Variants in KIFC2 observed in about 807,000 individuals in gnomAD.
KIFC2 encodes kinesin-like protein KIFC2.
Under a neutral mutation model 91.5 loss-of-function variants are expected in KIFC2, and 94 were observed. The ratio of observed to expected loss-of-function variants is 1.03; its 90% CI spans 0.87 to 1.22. The LOEUF is 1.22. KIFC2 is among the 50% of genes most tolerant of loss of function. The pLI, the probability that KIFC2 is intolerant of heterozygous loss-of-function variation, is 0.00. For synonymous variants in KIFC2, 729 were observed against 503.9 expected, an observed-to-expected ratio of 1.45 and a Z score of -5.98; for missense variants, 1,357 against 1,103.3, an observed-to-expected ratio of 1.23 and a Z score of -3.26.
rs1291727074 is a variant in KIFC2, at chr8:144,473,992, A to G, written c.*603A>G. On this transcript the variant is annotated 3_prime_UTR_variant, in exon 18 of 18. Transcript: ENST00000645548. ...GACTAGGAAGGGCTATTCCAGGCTCAGCCCTGCTCCTGCAGCTTTGCCGCT... is the reference window on the plus strand; with the variant it reads ...GACTAGGAAGGGCTATTCCAGGCTCGGCCCTGCTCCTGCAGCTTTGCCGCT... The G allele has an allele frequency of 7.2e-6, 4 of 558,202 alleles. No homozygotes were observed. The allele number at this position is 558,202 out of a possible 1,614,324, so 34.6% of individuals were successfully genotyped here. A position where few individuals can be genotyped will look rare whatever the true frequency, so the allele number is the denominator to read the frequency against.
intron 10 of KIFC2, 95 bp downstream of exon 10, chr8:144,468,929 A>T (rs1279589380): frequency 2.0e-6 from 2 of 1,019,706 alleles, no homozygotes; most frequent in Non-Finnish European, 3.0e-6. Flanking sequence ...TGTACTAATA[A>T]GTGGGGCTCT....
intron 8 of KIFC2, 49 bp from the exon 9 acceptor site, chr8:144,468,487 T>C (rs750264791): frequency 7.0e-7 from 1 of 1,430,202 alleles, no homozygotes; most frequent in South Asian, 1.2e-5. Flanking sequence ...AGGCAGGGCC[T>C]GGTAAGTGCC....
chr8:144,468,748 C>T lies in KIFC2; in HGVS notation c.1027C>T (p.Leu343=), dbSNP rs1444458431. ...AGGACTTCGGGCACGGATGGCCAGC[C>T]TGCGTCAGGGCTGCGGGGACCTCCG... ...LAGLRARMAS[L]RQGCGDLRGL... Residue 343 remains leucine (L), a synonymous_variant, in exon 10 of 18, where the codon CTG becomes TTG. Transcript: ENST00000645548. 5 of 1,614,070 alleles carry T rather than the reference C, an allele frequency of 3.1e-6. No individual in the cohort carries two copies. Among genetic ancestry groups the T allele is most frequent in the East Asian group, 2.2e-5 (1 of 44,884 alleles).
Position 144,471,513 on chromosome 8 carries a change from G to A in KIFC2, c.1381-429G>A, listed in dbSNP as rs140657246. Among the ~76,000 whole-genome samples, 11 of 152,130 alleles carry A rather than the reference G, an allele frequency of 7.2e-5. No homozygotes were observed. The East Asian group carries it at 1.2e-3, about 16-fold the overall frequency. ...GTTTTTGTACAGACGGGATTTCACC[G>A]TATTGCCTAGGCTGGTCTCAAACTC... On this transcript the variant is annotated intron_variant, in intron 12 of 17. Transcript: ENST00000645548.
chr8:144,466,562 C>G, intron 1 of KIFC2, 44 bp downstream of exon 1: 1 of 1,036,788 alleles, frequency 9.6e-7, no homozygotes. Flanking sequence ...CCGCCGCCTG[C>G]CCCACCCCCA....
chr8:144,468,295 C>G, intron 7 of KIFC2, 34 bp from the exon 8 acceptor site: 1 of 1,569,694 alleles, frequency 6.4e-7, no homozygotes, highest in Non-Finnish European at 8.7e-7. Context: ...GACCGTCCCT[C>G]TCTGAGTCCC....
In KIFC2 at chr8:144,469,485, T is replaced by C; in HGVS notation, c.1223-5T>C. The C allele has an allele frequency of 1.2e-6, 2 of 1,614,006 alleles. No individual in the cohort carries two copies. Among genetic ancestry groups the C allele is most frequent in the Non-Finnish European group, 1.7e-6 (2 of 1,180,016 alleles). ...GGCATTATGCTGACCTGATCCCCAC[T>C]GCAGGAAATATCCGTGTGCTGTGTC... On this transcript the variant is annotated splice_region_variant and splice_polypyrimidine_tract_variant and intron_variant, in intron 11 of 17. Transcript: ENST00000645548.
At chr8:144,467,836 T>C in intron 6 of KIFC2, 23 bp from the exon 7 acceptor site, 1 of 1,613,226 alleles carries the variant, frequency 6.2e-7, no homozygotes, top group Non-Finnish European at 8.5e-7. Context: ...TTCAGGTGAG[T>C]GCCGAGGTTT....
Position 144,472,187 on chromosome 8 carries a change from T to C in KIFC2, c.1535T>C (p.Phe512Ser). Residue 512 changes from phenylalanine to serine, a missense_variant, in exon 14 of 18, where the codon TTC (phenylalanine) becomes TCC (serine). Coordinates refer to ENST00000645548, the MANE Select transcript of KIFC2 (RefSeq NM_001369769.2). ...GTTCCTAGGGCGCTGCAGTCGCTGT[T>C]CCGGGAGATGGGGGCCGGCCGGCAG... ...GIVPRALQSL[F>S]REMGAGRQHR... The C allele has an allele frequency of 6.2e-7, 1 of 1,613,218 alleles. No homozygotes were observed. The highest frequency in any genetic ancestry group is 1.1e-5 in the South Asian group (1 of 91,086).
intron 4 of KIFC2, 70 bp downstream of exon 4, chr8:144,467,411 G>A: frequency 6.5e-7 from 1 of 1,544,042 alleles, no homozygotes; most frequent in Non-Finnish European, 8.7e-7. Flanking sequence ...TGGGCGGCCT[G>A]GAGTTCGGGG....
At position 144,467,191 on chromosome 8, in the gene KIFC2, T is replaced by C. The variant is rs770042258; in HGVS notation, c.331-12T>C. ...TTTCACAGCCCTGCTCGGATTCTTGTCTCCTTCGCAGTCTGGCGAGGTCCC... is the reference window on the plus strand; with the variant it reads ...TTTCACAGCCCTGCTCGGATTCTTGCCTCCTTCGCAGTCTGGCGAGGTCCC... On this transcript the variant is annotated splice_polypyrimidine_tract_variant and intron_variant, in intron 3 of 17. Transcript: ENST00000645548. 4 of 1,613,472 alleles carry C rather than the reference T, an allele frequency of 2.5e-6. No homozygotes were observed. The South Asian group carries it at 4.4e-5, about 18-fold the overall frequency.
intron 12 of KIFC2, among the ~76,000 whole-genome samples, chr8:144,470,091 G>A (rs1278672874): frequency 6.6e-6 from 1 of 152,144 alleles, no homozygotes; most frequent in Non-Finnish European, 1.5e-5. Flanking sequence ...TTTCACACAC[G>A]TTTTCATCTG....
At chr8:144,466,715 G>A in intron 1 of KIFC2, 45 bp from the exon 2 acceptor site, 1 of 1,442,688 alleles carries the variant, frequency 6.9e-7, no homozygotes, top group South Asian at 1.3e-5. Flanking sequence ...GGGGCCAGCA[G>A]GCTGCCTGCC....
Position 144,472,018 on chromosome 8 carries a change from C to T in KIFC2, c.1457C>T (p.Thr486Ile). The change falls in exon 13 of 18, where the codon ACA becomes ATA. Residue 486 changes from threonine to isoleucine, a missense_variant. By Grantham distance (89) the Thr-to-Ile change is moderately conservative. Coordinates refer to ENST00000645548, the MANE Select transcript of KIFC2 (RefSeq NM_001369769.2). ...GTCTGCATCTTCACCTATGGCCAGA[C>T]AGGCACCGGGAAGACCTACAGCATG... is the stretch of plus-strand genomic sequence containing the variant. ...YSVCIFTYGQ[T>I]GTGKTYSMEG... The T allele has an allele frequency of 6.2e-7, 1 of 1,613,566 alleles. No homozygotes were observed. The highest frequency in any genetic ancestry group is 8.5e-7 in the Non-Finnish European group (1 of 1,180,034).
chr8:144,473,164 A>T lies in KIFC2; in HGVS notation c.2151A>T (p.Thr717=). The T allele has an allele frequency of 1.3e-6, 2 of 1,573,038 alleles. No individual in the cohort carries two copies. Among genetic ancestry groups the T allele is most frequent in the Non-Finnish European group, 1.7e-6 (2 of 1,160,032 alleles). ...ISTRPEDLGE[T]VCSLKFADRV... is the part of the protein sequence containing the mutation. ...CGCGGCCGGAGGATCTCGGGGAGACAGTCTGCTCCCTCAAGTTCGCCGACC... is the reference window on the plus strand; with the variant it reads ...CGCGGCCGGAGGATCTCGGGGAGACTGTCTGCTCCCTCAAGTTCGCCGACC... Residue 717 remains threonine, a synonymous_variant, in exon 18 of 18, where the codon ACA becomes ACT. Coordinates refer to ENST00000645548, the MANE Select transcript of KIFC2 (RefSeq NM_001369769.2).
In KIFC2 at chr8:144,467,073, C is replaced by T. The variant is rs779450037; in HGVS notation, c.293C>T (p.Ala98Val). 13 of 1,595,754 alleles carry T rather than the reference C, an allele frequency of 8.1e-6. No homozygotes were observed. Among genetic ancestry groups the T allele is most frequent in the East Asian group, 6.7e-5 (3 of 44,534 alleles). Reference protein sequence around the residue: ...LAEFLSVQLGAEESCGGPADL... With the variant: ...LAEFLSVQLGVEESCGGPADL... Reference sequence around the variant, plus strand: ...GAGTTCCTCTCCGTCCAGCTGGGGGCGGAAGAGAGCTGCGGGGGCCCGGCG... The same window carrying T: ...GAGTTCCTCTCCGTCCAGCTGGGGGTGGAAGAGAGCTGCGGGGGCCCGGCG... Residue 98 changes from alanine (A) to valine (V), a missense_variant, in exon 3 of 18, where the codon GCG becomes GTG. Transcript: ENST00000645548.
Position 144,469,276 on chromosome 8 carries a change from C to A in KIFC2, c.1119C>A (p.Ser373=), listed in dbSNP as rs1359617023. ...GSLSEARGQV[S]WALGALSSGG... is the part of the protein sequence containing the mutation. ...GTACATCCCTGTTCCCTCAGGTGTCCTGGGCCTTGGGGGCACTGTCATCTG... is the reference window on the plus strand; with the variant it reads ...GTACATCCCTGTTCCCTCAGGTGTCATGGGCCTTGGGGGCACTGTCATCTG... The change falls in exon 11 of 18, where the codon TCC becomes TCA. Residue 373 remains serine, a synonymous_variant. Transcript: ENST00000645548. 1 of 1,594,720 alleles carries A rather than the reference C, an allele frequency of 6.3e-7. No homozygotes were observed. The highest frequency in any genetic ancestry group is 1.1e-5 in the South Asian group (1 of 87,980).
Position 144,473,219 on chromosome 8 carries a change from C to G in KIFC2, c.2206C>G (p.Arg736Gly). ...RVGQVELGPA[R>G]RRRVPRSSGT... ...GGGTCAAGTGGAGCTGGGGCCAGCC[C>G]GGCGCCGCAGGGTCCCGCGCTCCTC... The change falls in exon 18 of 18, where the codon CGG becomes GGG. Residue 736 changes from arginine (R) to glycine (G), a missense_variant. Arg to Gly is a moderately radical substitution (Grantham distance 125). Coordinates refer to ENST00000645548, the MANE Select transcript of KIFC2 (RefSeq NM_001369769.2). The G allele has an allele frequency of 6.3e-7, 1 of 1,593,232 alleles. No individual in the cohort carries two copies. The highest frequency in any genetic ancestry group is 1.1e-5 in the South Asian group (1 of 87,962).
rs760288123 is a variant in KIFC2 at position 144,472,234 on chromosome 8, G to A, written c.1582G>A (p.Val528Met). 4 of 1,612,832 alleles carry A rather than the reference G, an allele frequency of 2.5e-6. No individual in the cohort carries two copies. Among genetic ancestry groups the A allele is most frequent in the African/African-American group, 1.3e-5 (1 of 74,722 alleles). ...GRQHRVTLSMVEIYNEAVRDL... is the reference protein window; with the variant it reads ...GRQHRVTLSMMEIYNEAVRDL... ...GCAGCACCGGGTGACACTCAGCATG[G>A]TGGAGATCTACAATGAGGCTGTCAG... The change falls in exon 14 of 18, where the codon GTG becomes ATG. Residue 528 changes from valine (V) to methionine (M), a missense_variant. Transcript: ENST00000645548.
Sources: gnomAD v4.1 joint callset for allele counts (sites outside exome capture counted in the v4.1 genomes callset) on GRCh38, gnomAD v4.1.1 for gene constraint, MANE v1.5 for transcripts, NCBI Gene and HGNC (gene_info 2026-07-23, HGNC 2026-07-21) for gene names.